The following RTN1 variants were observed in gnomAD, a reference collection of about 807,000 sequenced individuals.
RTN1 encodes reticulon 1, also known as reticulon-1.
In RTN1, 25 loss-of-function variants were observed where a neutral mutation model predicts 65.5. That is an observed-to-expected ratio of 0.38 (90% confidence interval 0.28 to 0.53). The LOEUF (loss-of-function observed/expected upper bound fraction) is 0.53, where lower values mean the gene tolerates loss of function less well. Ranked by LOEUF, RTN1 falls within the 20% of genes least tolerant of loss-of-function variation. RTN1 has a pLI of 0.79. For missense variants in RTN1, 983 were observed against 1,025.4 expected (o/e 0.96, Z 0.57); for synonymous variants, 471 against 447.6 (o/e 1.05, Z -0.66).
rs201429576 is a variant in RTN1 at position 59,727,189 on chromosome 14, G to A, written c.1495C>T (p.Arg499Trp). 242 of 1,586,374 alleles carry A rather than the reference G, an allele frequency of 1.5e-4. 2 individuals are homozygous for A. In the East Asian group the frequency reaches 5.0e-3, roughly 33 times the overall value. Residue 499 changes from arginine (R) to tryptophan (W), a missense_variant, in exon 3 of 9, where the codon CGG becomes TGG. By Grantham distance (101) the Arg-to-Trp change is moderately radical. This residue lies in a region of RTN1 where 818 missense variants were observed against 801.8 expected (regional missense o/e 1.02). Transcript: ENST00000267484. This position sits in a 1 kb window ranked among gnomAD's most constrained non-coding sequence, Gnocchi z 4.2. ...PMKPSALDAI[R>W]EETGVRAEER... ...TCGGCCCGGACGCCAGTCTCCTCCC[G>A]GATGGCATCCAGGGCGCTGGGCTTC...
chr14:59,688,054 A>T (rs932781405), intron 3 of RTN1, among the ~76,000 whole-genome samples: 2 of 152,032 alleles, frequency 1.3e-5, no homozygotes, highest in African/African-American at 4.8e-5. Flanking sequence ...GCACCTGCTC[A>T]TGTAGAACAG....
At chr14:59,838,070 A>G (rs566593675) in intron 1 of RTN1, among the ~76,000 whole-genome samples, 27 of 152,266 alleles carry the variant, frequency 1.8e-4, no homozygotes, top group Non-Finnish European at 2.6e-4. Context: ...TAAGTACCCA[A>G]TAGGTAGTTT....
intron 1 of RTN1, among the ~76,000 whole-genome samples, chr14:59,830,690 G>C (rs1594759228): frequency 6.6e-6 from 1 of 152,256 alleles, no homozygotes; most frequent in African/African-American, 2.4e-5. Context: ...TCCCTAATTA[G>C]CAATGTGACC....
At chr14:59,728,282 A>G (rs1365307313) in intron 2 of RTN1, among the ~76,000 whole-genome samples, 1 of 140,366 alleles carries the variant, frequency 7.1e-6, no homozygotes, top group Non-Finnish European at 1.5e-5. Flanking sequence ...TTTGCAACTA[A>G]GTGGAGCAAT....
At chr14:59,869,713 TC>T (rs1357593769) in intron 1 of RTN1, among the ~76,000 whole-genome samples, 1 of 151,934 alleles carries the variant, frequency 6.6e-6, no homozygotes, top group Non-Finnish European at 1.5e-5. Context: ...GGTGGGGCCA[TC>T]CGGGCAGCGG....
chr14:59,629,966 T>G (rs965659834), intron 3 of RTN1, among the ~76,000 whole-genome samples: 2 of 152,192 alleles, frequency 1.3e-5, no homozygotes, highest in African/African-American at 4.8e-5. Flanking sequence ...CTCCTTTGTG[T>G]GACCACAAAT....
intron 3 of RTN1, among the ~76,000 whole-genome samples, chr14:59,638,669 C>A (rs922614726): frequency 1.3e-5 from 2 of 152,172 alleles, no homozygotes; most frequent in Non-Finnish European, 2.9e-5. Flanking sequence ...CCTCTGCTAG[C>A]TTCCAACTTT....
intron 2 of RTN1, among the ~76,000 whole-genome samples, chr14:59,739,804 T>G (rs749470815): frequency 6.6e-6 from 1 of 152,172 alleles, no homozygotes; most frequent in South Asian, 2.1e-4. Flanking sequence ...ATGAGCTTGT[T>G]TGATGGGACA....
intron 1 of RTN1, among the ~76,000 whole-genome samples, chr14:59,763,744 G>C (rs533339986): frequency 6.6e-6 from 1 of 152,084 alleles, no homozygotes. Context: ...TGTTAGCCAG[G>C]AAGGTCTCAA....
intron 1 of RTN1, among the ~76,000 whole-genome samples, chr14:59,844,437 A>G (rs1887370177): frequency 6.6e-6 from 1 of 152,198 alleles, no homozygotes; most frequent in Non-Finnish European, 1.5e-5. Flanking sequence ...CTCTGACAAT[A>G]TAGTTAGCTA....
intron 8 of RTN1, among the ~76,000 whole-genome samples, chr14:59,598,065 G>T (rs1456691449): frequency 1.3e-5 from 2 of 151,470 alleles, no homozygotes; most frequent in Non-Finnish European, 3.0e-5. Context: ...AGATCATGAT[G>T]GTGGCTGTGT....
chr14:59,769,412 G>A (rs1169013964), intron 1 of RTN1, among the ~76,000 whole-genome samples: 1 of 152,086 alleles, frequency 6.6e-6, no homozygotes, highest in East Asian at 1.9e-4. Context: ...TTACCACTAA[G>A]CCTCATAATA....
At chr14:59,674,885 G>C (rs1883589777) in intron 3 of RTN1, among the ~76,000 whole-genome samples, 1 of 152,104 alleles carries the variant, frequency 6.6e-6, no homozygotes, top group Non-Finnish European at 1.5e-5. Flanking sequence ...TATGTATCAG[G>C]TACACTCCTC....
At chr14:59,670,710 T>C (rs1313654484) in intron 3 of RTN1, among the ~76,000 whole-genome samples, 1 of 152,174 alleles carries the variant, frequency 6.6e-6, no homozygotes, top group African/African-American at 2.4e-5. Flanking sequence ...TGCTCGAAGA[T>C]GAAAAATATG....
chr14:59,750,445 T>C (rs1162644941), intron 1 of RTN1, among the ~76,000 whole-genome samples: 2 of 67,866 alleles, frequency 2.9e-5, no homozygotes, highest in Non-Finnish European at 4.9e-5. Flanking sequence ...ATATATAATA[T>C]ATCTATAATA....
intron 3 of RTN1, among the ~76,000 whole-genome samples, chr14:59,607,916 G>A (rs78116802): frequency 7.8e-4 from 77 of 98,898 alleles, no homozygotes; most frequent in Middle Eastern, 4.1e-3. Context: ...AAAAAAAAAA[G>A]AGAGAGAGAG....
intron 1 of RTN1, among the ~76,000 whole-genome samples, chr14:59,819,330 C>T (rs1886881377): frequency 6.9e-6 from 1 of 145,458 alleles, no homozygotes; most frequent in East Asian, 2.0e-4. Context: ...CTGGCCCCAC[C>T]CACATCCTGC....
chr14:59,616,325 A>G (rs1366461064), intron 3 of RTN1, among the ~76,000 whole-genome samples: 3 of 152,144 alleles, frequency 2.0e-5, no homozygotes, highest in African/African-American at 7.2e-5. Flanking sequence ...TGTGTCTTTA[A>G]CTGTGGCTGC....
At chr14:59,624,172 A>C (rs1882329887) in intron 3 of RTN1, among the ~76,000 whole-genome samples, 1 of 152,234 alleles carries the variant, frequency 6.6e-6, no homozygotes, top group African/African-American at 2.4e-5. Context: ...TTCATGAAAC[A>C]ATAAGATAAC....
Sources: allele counts gnomAD v4.1 joint callset (sites outside exome capture counted in the v4.1 genomes callset), GRCh38; gene constraint gnomAD v4.1.1; regional missense constraint gnomAD v4.1.1; non-coding constraint Gnocchi (gnomAD v3.1); transcripts MANE v1.5; gene names NCBI Gene and HGNC (gene_info 2026-07-23, HGNC 2026-07-21).